Variants in DISP1 observed in about 807,000 individuals in gnomAD.
The protein encoded by DISP1 is dispatched RND transporter family member 1.
In DISP1, 30 loss-of-function variants were observed where a neutral mutation model predicts 37.3. That is an observed-to-expected ratio of 0.80 (90% CI 0.60 to 1.09). The LOEUF is 1.09. Among genes scored for constraint, DISP1 ranks in the 50% least tolerant of loss-of-function variants. The probability of loss-of-function intolerance (pLI) is 0.00; values close to 1 mark genes in which losing one functional copy is unlikely to be tolerated. For synonymous variants in DISP1, 634 were observed against 690.2 expected (o/e 0.92, Z 1.28); for missense variants, 1,598 against 1,879.5 (o/e 0.85, Z 2.77).
intron 3 of DISP1, among the ~76,000 whole-genome samples, chr1:222,949,186 G>A (rs1375949955): frequency 6.6e-6 from 1 of 152,108 alleles, no homozygotes; most frequent in Non-Finnish European, 1.5e-5. Flanking sequence ...TTGAGGTCAG[G>A]AGTTCGAGAC....
chr1:222,902,014 AT>A, intron 1 of DISP1, among the ~76,000 whole-genome samples: 1 of 152,074 alleles, frequency 6.6e-6, no homozygotes, highest in East Asian at 1.9e-4. Context: ...CCCCTTTATC[AT>A]TTTTTATTGT....
At chr1:222,961,440 C>T (rs1295818178) in intron 3 of DISP1, among the ~76,000 whole-genome samples, 3 of 152,132 alleles carry the variant, frequency 2.0e-5, no homozygotes, top group Non-Finnish European at 4.4e-5. Context: ...TAAAAATTCT[C>T]AATAAACTAG....
intron 1 of DISP1, among the ~76,000 whole-genome samples, chr1:222,907,439 C>T (rs1206712967): frequency 6.6e-6 from 1 of 152,120 alleles, no homozygotes; most frequent in Non-Finnish European, 1.5e-5. Context: ...CAACCCAGAA[C>T]TACTAAATGG....
chr1:222,848,058 C>G (rs1668018079), intron 1 of DISP1, among the ~76,000 whole-genome samples: 1 of 151,484 alleles, frequency 6.6e-6, no homozygotes, highest in African/African-American at 2.4e-5. Context: ...ATTTTAGGAT[C>G]TAATTATATT....
At chr1:222,896,688 A>T (rs567206432) in intron 1 of DISP1, among the ~76,000 whole-genome samples, 1 of 152,310 alleles carries the variant, frequency 6.6e-6, no homozygotes, top group African/African-American at 2.4e-5. Flanking sequence ...AAGGGCTTGT[A>T]TCTAGAATGT....
At chr1:222,900,108 T>C (rs1170638606) in intron 1 of DISP1, among the ~76,000 whole-genome samples, 2 of 152,200 alleles carry the variant, frequency 1.3e-5, no homozygotes, top group Non-Finnish European at 2.9e-5. Context: ...AGTTTAGTTC[T>C]TAAAATCTTC....
At chr1:222,819,104 A>C (rs1662047942) in intron 1 of DISP1, among the ~76,000 whole-genome samples, 1 of 152,128 alleles carries the variant, frequency 6.6e-6, no homozygotes, top group Non-Finnish European at 1.5e-5. Context: ...CTCATGATAG[A>C]GTTCTCACAA....
At position 223,002,383 on chromosome 1, in the gene DISP1, A is replaced by G; in HGVS notation, c.988-2A>G. 6.2e-7 allele frequency: 1 copy of G among 1,613,710 alleles called. No individual in the cohort carries two copies. The highest frequency in any genetic ancestry group is 8.5e-7 in the Non-Finnish European group (1 of 1,179,782). On this transcript the variant is annotated splice_acceptor_variant, in intron 8 of 8. Coordinates refer to ENST00000675850, the MANE Select transcript of DISP1 (RefSeq NM_001377229.1). LOFTEE classifies it high-confidence loss of function. Reference sequence around the variant, plus strand: ...TCCTTCTGCTTGTCTCTATCTCTGCAGATCAGATCTCATCCCCAGTTTGGT... The same window carrying G: ...TCCTTCTGCTTGTCTCTATCTCTGCGGATCAGATCTCATCCCCAGTTTGGT...
chr1:222,948,978 A>G (rs1674999151), intron 3 of DISP1, among the ~76,000 whole-genome samples: 1 of 152,242 alleles, frequency 6.6e-6, no homozygotes, highest in African/African-American at 2.4e-5. Flanking sequence ...CACCTTTTGT[A>G]TAGTAGACTC....
intron 1 of DISP1, among the ~76,000 whole-genome samples, chr1:222,839,196 G>T (rs2125285464): frequency 6.6e-6 from 1 of 152,258 alleles, no homozygotes. Context: ...CCTGAGCTGT[G>T]CCTCCTGTCA....
In DISP1 at chr1:222,926,524, T is replaced by G. The variant is rs1673093550; in HGVS notation, c.-158-1906T>G. Among the ~76,000 whole-genome samples the G allele has an allele frequency of 2.0e-5, 3 of 152,184 alleles. No individual in the cohort carries two copies. The South Asian group carries it at 6.2e-4, about 31-fold the overall frequency. On this transcript the variant is annotated intron_variant, in intron 1 of 8. Coordinates refer to ENST00000675850, the MANE Select transcript of DISP1 (RefSeq NM_001377229.1). ...TACTGGTTCTAGGAGAAATACAGGA[T>G]TAGGTTCCTGTAAGACTCTGGTCAC...
In DISP1 at chr1:223,003,695, T is replaced by C. The variant is rs1679657931; in HGVS notation, c.2298T>C (p.Ala766=). 1.2e-6 allele frequency: 2 copies of C among 1,614,062 alleles called. No individual in the cohort carries two copies. The highest frequency in any genetic ancestry group is 1.7e-5 in the Admixed American group (1 of 60,010). Residue 766 remains alanine, a synonymous_variant, in exon 9 of 9, where the codon GCT becomes GCC. Transcript: ENST00000675850. This position sits in a 1 kb window ranked among gnomAD's most constrained non-coding sequence, Gnocchi z 4.3. ...RSSHPFERYD[A]EYKKLFMFER... ...CCCATCCTTTTGAGCGTTATGATGC[T>C]GAATACAAAAAGCTTTTCATGTTTG...
intron 1 of DISP1, among the ~76,000 whole-genome samples, chr1:222,904,748 A>G (rs1265534244): frequency 6.6e-6 from 1 of 151,900 alleles, no homozygotes; most frequent in Non-Finnish European, 1.5e-5. Context: ...TTGTGTTTTT[A>G]GTAGAGACGG....
chr1:222,827,833 A>G (rs1358595507), intron 1 of DISP1, among the ~76,000 whole-genome samples: 1 of 152,182 alleles, frequency 6.6e-6, no homozygotes, highest in African/African-American at 2.4e-5. Flanking sequence ...GATACTACAT[A>G]TAATTTGATT....
intron 3 of DISP1, among the ~76,000 whole-genome samples, chr1:222,948,823 A>G (rs958465328): frequency 3.3e-5 from 5 of 152,336 alleles, no homozygotes; most frequent in East Asian, 1.9e-4. Context: ...ATTTGCACCT[A>G]TACCACAAAT....
intron 1 of DISP1, among the ~76,000 whole-genome samples, chr1:222,818,239 A>C (rs1472186821): frequency 2.0e-5 from 3 of 152,186 alleles, no homozygotes; most frequent in Non-Finnish European, 4.4e-5. Flanking sequence ...GTATTTTAGC[A>C]CTGAGGTTTA....
intron 1 of DISP1, among the ~76,000 whole-genome samples, chr1:222,860,068 T>TTTGTTGAGATGGAGTTTTGCTC (rs1668788370): frequency 6.6e-6 from 1 of 152,236 alleles, no homozygotes; most frequent in Non-Finnish European, 1.5e-5. Context: ...TTTGTTTTGT[T>TTTGTTGAGATGGAGTTTTGCTC]TTGTTGAGAT....
chr1:223,005,948 A>T lies in DISP1; in HGVS notation c.4551A>T (p.Glu1517Asp). 1 of 1,613,906 alleles carries T rather than the reference A, an allele frequency of 6.2e-7. No individual in the cohort carries two copies. The change falls in exon 9 of 9, where the codon GAA (glutamate) becomes GAT (aspartate). Residue 1517 changes from glutamate (E) to aspartate (D), a missense_variant. Coordinates refer to ENST00000675850, the MANE Select transcript of DISP1 (RefSeq NM_001377229.1). The stretch of plus-strand genomic sequence containing the variant: ...TAACACACTCGGAACTTTCTGGTGA[A>T]AGTTTGTTAATAAAAACACTATAAT... ...AVLTHSELSG[E>D]SLLIKTL
intron 3 of DISP1, among the ~76,000 whole-genome samples, chr1:222,951,273 A>T: frequency 1.3e-5 from 2 of 149,660 alleles, no homozygotes; most frequent in Admixed American, 6.7e-5. Context: ...TTCTTTATTC[A>T]TTTTCTAATT....
Sources: gnomAD v4.1 joint callset for allele counts (sites outside exome capture counted in the v4.1 genomes callset) on GRCh38, gnomAD v4.1.1 for gene constraint, Gnocchi (gnomAD v3.1) non-coding constraint, MANE v1.5 for transcripts, NCBI Gene and HGNC (gene_info 2026-07-23, HGNC 2026-07-21) for gene names.